The following SLC35F3 variants were observed in gnomAD, a reference collection of about 807,000 sequenced individuals.
The protein encoded by SLC35F3 is putative thiamine transporter SLC35F3.
In SLC35F3, 25 loss-of-function variants were observed where a neutral mutation model predicts 49.9. That is an observed-to-expected ratio of 0.50 (90% CI 0.37 to 0.70). The LOEUF (loss-of-function observed/expected upper bound fraction) is 0.70, where lower values mean the gene tolerates loss of function less well. Among genes scored for constraint, SLC35F3 ranks in the 30% least tolerant of loss-of-function variants. The pLI is 0.00. For missense variants in SLC35F3, 525 were observed against 639.8 expected, an observed-to-expected ratio of 0.82 and a Z score of 1.94; for synonymous variants, 275 against 265.4, an observed-to-expected ratio of 1.04 and a Z score of -0.35.
chr1:234,210,764 T>C (rs1252155911), intron 2 of SLC35F3, among the ~76,000 whole-genome samples: 1 of 152,212 alleles, frequency 6.6e-6, no homozygotes, highest in East Asian at 1.9e-4. Flanking sequence ...AATAGAAAAT[T>C]TGTAGCCTCA....
intron 2 of SLC35F3, among the ~76,000 whole-genome samples, chr1:233,955,876 A>ATTT (rs1662691337): frequency 1.7e-5 from 1 of 58,924 alleles, no homozygotes; most frequent in South Asian, 6.2e-4. Flanking sequence ...AGGTGTGGGT[A>ATTT]TCTTTTTTTT....
rs142946419 is a variant in SLC35F3, at chr1:233,974,759, A to G, written c.283+69001A>G. Among the ~76,000 whole-genome samples the G allele has an allele frequency of 7.3e-3, 1,110 of 152,358 alleles. 14 individuals carry two copies. Among genetic ancestry groups the G allele is most frequent in the South Asian group, 0.053 (258 of 4,830 alleles). ...CAGCAAAGACATTTGAGTTTTCTCA[A>G]AAGTCAGAGTTTTGTTCATTTTTTG... On this transcript the variant is annotated intron_variant, in intron 2 of 7. Coordinates refer to ENST00000366618, the MANE Select transcript of SLC35F3 (RefSeq NM_173508.4).
At chr1:234,059,779 G>A (rs540942633) in intron 2 of SLC35F3, among the ~76,000 whole-genome samples, 1 of 152,300 alleles carries the variant, frequency 6.6e-6, no homozygotes, top group African/African-American at 2.4e-5. Context: ...GCCAGTCCGA[G>A]TCCCAAAATT....
chr1:233,996,672 A>G (rs4244366), intron 2 of SLC35F3, among the ~76,000 whole-genome samples: 41,915 of 152,086 alleles, frequency 0.28, 6,032 homozygotes, highest in East Asian at 0.49. Flanking sequence ...GGGTGTGTCC[A>G]AGGGTATTCC....
rs185374536 is a variant in SLC35F3, at chr1:234,168,438, A to G, written c.284-62979A>G. ...CCCTTCATTCTCCCTTTCTGTAATTAATAAAGTGGAGGTGCAGGACTGTGC... is the reference window on the plus strand; with the variant it reads ...CCCTTCATTCTCCCTTTCTGTAATTGATAAAGTGGAGGTGCAGGACTGTGC... On this transcript the variant is annotated intron_variant, in intron 2 of 7. Transcript: ENST00000366618. 2.0e-3 allele frequency among the ~76,000 whole-genome samples: 303 copies of G among 152,288 alleles called. 2 individuals carry two copies. Among genetic ancestry groups the G allele is most frequent in the African/African-American group, 6.9e-3 (286 of 41,570 alleles).
At chr1:234,034,965 A>G (rs1664119979) in intron 2 of SLC35F3, among the ~76,000 whole-genome samples, 1 of 152,156 alleles carries the variant, frequency 6.6e-6, no homozygotes, top group South Asian at 2.1e-4. Flanking sequence ...ATTTTTTTTA[A>G]ACTTTACTCA....
chr1:234,124,200 A>G (rs1381654483), intron 2 of SLC35F3, among the ~76,000 whole-genome samples: 1 of 152,196 alleles, frequency 6.6e-6, no homozygotes, highest in African/African-American at 2.4e-5. Context: ...GAAACCACCC[A>G]AAGAGCAGTG....
At chr1:234,278,865 G>A (rs1443630088) in intron 3 of SLC35F3, among the ~76,000 whole-genome samples, 7 of 152,106 alleles carry the variant, frequency 4.6e-5, no homozygotes, top group Non-Finnish European at 8.8e-5. Flanking sequence ...CCTTCCAAAG[G>A]TGCCTCTCTG....
intron 2 of SLC35F3, among the ~76,000 whole-genome samples, chr1:234,219,526 G>A (rs904459686): frequency 7.9e-5 from 12 of 152,156 alleles, no homozygotes; most frequent in Non-Finnish European, 1.5e-4. Flanking sequence ...AATCGAGTGA[G>A]GAATGTCAGA....
intron 2 of SLC35F3, among the ~76,000 whole-genome samples, chr1:234,140,584 T>C (rs1221013982): frequency 6.6e-6 from 1 of 152,194 alleles, no homozygotes; most frequent in African/African-American, 2.4e-5. Flanking sequence ...TGATATCCTC[T>C]GATCTGCTTC....
In SLC35F3 at chr1:234,323,420, G is replaced by T; in HGVS notation, c.*177G>T. The T allele has an allele frequency of 1.7e-6, 1 of 604,508 alleles. No homozygotes were observed. The allele number at this position is 604,508 out of a possible 1,614,324, so 37.4% of individuals were successfully genotyped here. A position where few individuals can be genotyped will look rare whatever the true frequency, so the allele number is the denominator to read the frequency against. On this transcript the variant is annotated 3_prime_UTR_variant, in exon 8 of 8. Coordinates refer to ENST00000366618, the MANE Select transcript of SLC35F3 (RefSeq NM_173508.4). This position sits in a 1 kb window ranked among gnomAD's most constrained non-coding sequence, Gnocchi z 4.5. ...TTCCACATCAGACCTTCCACTTAAGGGTACCAATTCAATACAAAAGAGAAA... is the reference window on the plus strand; with the variant it reads ...TTCCACATCAGACCTTCCACTTAAGTGTACCAATTCAATACAAAAGAGAAA...
intron 3 of SLC35F3, among the ~76,000 whole-genome samples, chr1:234,234,537 T>C (rs1462347000): frequency 6.6e-6 from 1 of 152,212 alleles, no homozygotes; most frequent in African/African-American, 2.4e-5. Flanking sequence ...CTAGTGCTGC[T>C]GGCCCACAGG....
chr1:233,913,461 T>C (rs924308300), intron 2 of SLC35F3, among the ~76,000 whole-genome samples: 9 of 152,234 alleles, frequency 5.9e-5, no homozygotes, highest in African/African-American at 2.2e-4. Context: ...ACGACTAGTT[T>C]AAGAATGTGG....
At chr1:234,198,947 A>G (rs983271664) in intron 2 of SLC35F3, among the ~76,000 whole-genome samples, 14 of 152,310 alleles carry the variant, frequency 9.2e-5, no homozygotes, top group African/African-American at 3.1e-4. Context: ...AGCTGGGTGC[A>G]ATGGCTCATG....
At chr1:234,201,703 C>A (rs1368687504) in intron 2 of SLC35F3, among the ~76,000 whole-genome samples, 1 of 152,082 alleles carries the variant, frequency 6.6e-6, no homozygotes, top group African/African-American at 2.4e-5. Flanking sequence ...ACGGTCCCCA[C>A]CCCCAGGAGT....
chr1:234,289,754 C>T (rs1451743066), intron 3 of SLC35F3, among the ~76,000 whole-genome samples: 1 of 152,094 alleles, frequency 6.6e-6, no homozygotes, highest in African/African-American at 2.4e-5. Flanking sequence ...TGAAACTGTC[C>T]CATGGGAACA....
intron 2 of SLC35F3, among the ~76,000 whole-genome samples, chr1:234,153,866 G>T (rs1405218880): frequency 6.6e-6 from 1 of 151,972 alleles, no homozygotes; most frequent in Admixed American, 6.5e-5. Flanking sequence ...GAGGTCAGGA[G>T]ATCGAGACCA....
intron 2 of SLC35F3, among the ~76,000 whole-genome samples, chr1:234,061,263 G>GT (rs1321217279): frequency 1.3e-5 from 2 of 151,844 alleles, no homozygotes; most frequent in African/African-American, 2.4e-5. Flanking sequence ...CTGTTGACAG[G>GT]TTTTTTTAAA....
chr1:234,078,346 C>T (rs939708237), intron 2 of SLC35F3, among the ~76,000 whole-genome samples: 2 of 152,278 alleles, frequency 1.3e-5, no homozygotes, highest in Middle Eastern at 3.4e-3. Flanking sequence ...TCCATTTCCT[C>T]ACCTCCTACT....
Sources: allele counts gnomAD v4.1 joint callset (sites outside exome capture counted in the v4.1 genomes callset), GRCh38; gene constraint gnomAD v4.1.1; non-coding constraint Gnocchi (gnomAD v3.1); transcripts MANE v1.5; gene names NCBI Gene and HGNC (gene_info 2026-07-23, HGNC 2026-07-21).